The following TOPAZ1 variants were observed in gnomAD, a reference collection of about 807,000 sequenced individuals.
TOPAZ1 encodes protein TOPAZ1.
TOPAZ1 carries 66 observed loss-of-function variants against 172.2 expected under a neutral mutation model. The observed-to-expected ratio is 0.38, with a 90% CI of 0.31 to 0.47. The LOEUF (loss-of-function observed/expected upper bound fraction) is 0.47, where lower values mean the gene tolerates loss of function less well. Ranked by LOEUF, TOPAZ1 falls within the 20% of genes least tolerant of loss-of-function variation. The pLI is 0.99. For synonymous variants in TOPAZ1, 681 were observed against 683.9 expected (o/e 1.00, Z 0.07); for missense variants, 1,822 against 1,972.4 (o/e 0.92, Z 1.44).
chr3:44,315,105 G>GTAGGTGGATGGA lies in TOPAZ1; in HGVS notation c.4306+5116_4306+5117insAGGTGGATGGAT, dbSNP rs1553651879. The stretch of plus-strand genomic sequence containing the variant: ...AAATATTTAGTAAATATTAGTTGAG[G>GTAGGTGGATGGA]TGGATGGATGGATGGATGGATGGAT... On this transcript the variant is annotated intron_variant, in intron 16 of 19. Coordinates refer to ENST00000309765, the MANE Select transcript of TOPAZ1 (RefSeq NM_001145030.2). Among the ~76,000 whole-genome samples, 13 of 150,002 alleles carry GTAGGTGGATGGA rather than the reference G, an allele frequency of 8.7e-5. No homozygotes were observed. In the South Asian group the frequency reaches 2.8e-3, roughly 32 times the overall value.
intron 15 of TOPAZ1, among the ~76,000 whole-genome samples, chr3:44,308,946 T>G (rs1372635648): frequency 6.6e-6 from 1 of 152,234 alleles, no homozygotes; most frequent in Non-Finnish European, 1.5e-5. Context: ...AACAAGGGTC[T>G]GTACACTAAG....
rs934389522 is a variant in TOPAZ1, at chr3:44,256,264, G to C, written c.2941G>C (p.Asp981His). The C allele has an allele frequency of 7.0e-5, 106 of 1,520,682 alleles. No homozygotes were observed. In the East Asian group the frequency reaches 2.7e-3, roughly 38 times the overall value. The allele number at this position is 1,520,682 out of a possible 1,614,324, so 94.2% of individuals were successfully genotyped here. The change falls in exon 4 of 20, where the codon GAC (aspartate) becomes CAC (histidine). Residue 981 changes from aspartate (D) to histidine (H), a missense_variant. Transcript: ENST00000309765. ...CTTCAGTGAACAAATAAAAGGTTCAGACTTGGATGAAAAGGTACTAGGGGA... is the reference window on the plus strand; with the variant it reads ...CTTCAGTGAACAAATAAAAGGTTCACACTTGGATGAAAAGGTACTAGGGGA... ...GDFSEQIKGS[D>H]LDEKHRFTDK...
chr3:44,275,244 C>A (rs1034908304), intron 8 of TOPAZ1, among the ~76,000 whole-genome samples: 3 of 151,968 alleles, frequency 2.0e-5, no homozygotes, highest in Non-Finnish European at 2.9e-5. Context: ...TTGAAATACA[C>A]AATACATTGT....
intron 8 of TOPAZ1, among the ~76,000 whole-genome samples, chr3:44,272,480 G>A (rs555811524): frequency 1.8e-3 from 280 of 152,230 alleles, no homozygotes; most frequent in African/African-American, 6.5e-3. Context: ...TTTATAATTT[G>A]CATTTCTCTG....
intron 18 of TOPAZ1, among the ~76,000 whole-genome samples, chr3:44,325,544 C>T (rs933662476): frequency 6.6e-6 from 1 of 152,176 alleles, no homozygotes; most frequent in Non-Finnish European, 1.5e-5. Context: ...CCACCCTAGT[C>T]CTAGGCAACA....
chr3:44,243,832 G>A lies in TOPAZ1; in HGVS notation c.1326G>A (p.Ser442=), dbSNP rs1169821596. The change falls in exon 2 of 20, where the codon TCG becomes TCA. Residue 442 remains serine (S), a synonymous_variant. Transcript: ENST00000309765. ...CGTTAGGTTATGAAAGCATGGCATC[G>A]AAAGAGGATTTTAAATCGATGAAAA... The part of the protein sequence containing the change: ...SEPLGYESMA[S]KEDFKSMKSF... 32 of 1,551,464 alleles carry A rather than the reference G, an allele frequency of 2.1e-5. No individual in the cohort carries two copies. The highest frequency in any genetic ancestry group is 2.6e-5 in the Non-Finnish European group (30 of 1,146,964).
At chr3:44,256,380 T>C (rs1014275189) in intron 4 of TOPAZ1, 102 bp downstream of exon 4, 1 of 1,073,524 alleles carries the variant, frequency 9.3e-7, no homozygotes, top group African/African-American at 1.7e-5. Flanking sequence ...GTAACTCCCT[T>C]TATTGAATAA....
Position 44,287,804 on chromosome 3 carries a change from A to C in TOPAZ1, c.3646A>C (p.Asn1216His), listed in dbSNP as rs1424237922. The C allele has an allele frequency of 1.3e-6, 2 of 1,501,370 alleles. No individual in the cohort carries two copies. The highest frequency in any genetic ancestry group is 4.3e-5 in the Admixed American group (2 of 46,396). The allele number at this position is 1,501,370 out of a possible 1,614,324, so 93.0% of individuals were successfully genotyped here. A position where few individuals can be genotyped will look rare whatever the true frequency, so the allele number is the denominator to read the frequency against. The change falls in exon 11 of 20, where the codon AAT becomes CAT. Residue 1216 changes from asparagine (N) to histidine (H), a missense_variant. By Grantham distance (68) the Asn-to-His change is moderately conservative. Transcript: ENST00000309765. Reference protein sequence around the residue: ...FEYVATMKLRNAVPALIDIFC... With the variant: ...FEYVATMKLRHAVPALIDIFC... Reference sequence around the variant, plus strand: ...GTATGTGGCAACTATGAAATTAAGGAATGCTGTACCTGCTTTAATTGATAT... The same window carrying C: ...GTATGTGGCAACTATGAAATTAAGGCATGCTGTACCTGCTTTAATTGATAT...
chr3:44,286,949 A>G (rs1255929375), intron 9 of TOPAZ1, among the ~76,000 whole-genome samples: 1 of 152,230 alleles, frequency 6.6e-6, no homozygotes, highest in Non-Finnish European at 1.5e-5. Flanking sequence ...CAAGGCAGGG[A>G]GAAGTTAAAA....
intron 18 of TOPAZ1, among the ~76,000 whole-genome samples, chr3:44,325,216 A>G (rs555588981): frequency 2.2e-4 from 33 of 152,198 alleles, no homozygotes; most frequent in Non-Finnish European, 4.1e-4. Flanking sequence ...TTTCAATGGT[A>G]TATAATCGTG....
chr3:44,325,568 C>G (rs1700590929), intron 18 of TOPAZ1, among the ~76,000 whole-genome samples: 1 of 152,174 alleles, frequency 6.6e-6, no homozygotes, highest in East Asian at 1.9e-4. Flanking sequence ...AATTTATTCT[C>G]TGTCTCCATG....
intron 16 of TOPAZ1, among the ~76,000 whole-genome samples, chr3:44,314,770 A>G (rs1700433030): frequency 6.6e-6 from 1 of 152,120 alleles, no homozygotes; most frequent in Non-Finnish European, 1.5e-5. Flanking sequence ...TAAAACACAT[A>G]TTGCTGGACC....
At position 44,244,222 on chromosome 3, in the gene TOPAZ1, G is replaced by T; in HGVS notation, c.1716G>T (p.Leu572Phe). Residue 572 changes from leucine to phenylalanine, a missense_variant, in exon 2 of 20, where the codon TTG becomes TTT. Transcript: ENST00000309765. The part of the protein sequence containing the change: ...KEKLDSNSNC[L>F]SSVSAVEPTL... The stretch of plus-strand genomic sequence containing the variant: ...AATTAGATTCTAATTCTAATTGTTT[G>T]TCTTCAGTTTCTGCAGTAGAACCTA... 1.3e-6 allele frequency: 2 copies of T among 1,549,488 alleles called. 1 individual carries two copies. The highest frequency in any genetic ancestry group is 4.9e-5 in the East Asian group (2 of 40,904).
In TOPAZ1 at chr3:44,262,488, G is replaced by A. The variant is rs190865627; in HGVS notation, c.3020+5G>A. ...TATTTATGAAGTTTGCAAAAGGTCT[G>A]TAACATAATTCTTAATTACATAACT... On this transcript the variant is annotated splice_donor_5th_base_variant and intron_variant, in intron 5 of 19. Coordinates refer to ENST00000309765, the MANE Select transcript of TOPAZ1 (RefSeq NM_001145030.2). 1 of 1,370,522 alleles carries A rather than the reference G, an allele frequency of 7.3e-7. No individual in the cohort carries two copies. Among genetic ancestry groups the A allele is most frequent in the East Asian group, 2.5e-5 (1 of 39,504 alleles). 84.9% of individuals were successfully genotyped at this position (1,370,522 alleles called of 1,614,324 possible).
chr3:44,328,993 A>C (rs1034831223), intron 19 of TOPAZ1, among the ~76,000 whole-genome samples: 1 of 152,218 alleles, frequency 6.6e-6, no homozygotes, highest in African/African-American at 2.4e-5. Context: ...AAATCGTGGT[A>C]TGCCATACGA....
chr3:44,316,105 G>A (rs1372378713), intron 16 of TOPAZ1, among the ~76,000 whole-genome samples: 2 of 151,764 alleles, frequency 1.3e-5, no homozygotes, highest in Non-Finnish European at 2.9e-5. Flanking sequence ...AATTAGCCAG[G>A]CATGGTAGCA....
intron 3 of TOPAZ1, among the ~76,000 whole-genome samples, 190 bp downstream of exon 3, chr3:44,255,219 TTTGA>T (rs111492753): frequency 0.01 from 1,548 of 152,304 alleles, 23 homozygotes; most frequent in African/African-American, 0.036. Flanking sequence ...ATATTTTCTG[TTTGA>T]TTATTTAATA....
At chr3:44,331,567 T>A (rs1278904762) in intron 19 of TOPAZ1, among the ~76,000 whole-genome samples, 1 of 152,100 alleles carries the variant, frequency 6.6e-6, no homozygotes, top group African/African-American at 2.4e-5. Context: ...CCTCAAGCGA[T>A]CCCCCCAACC....
chr3:44,286,027 G>A (rs1371699026), intron 9 of TOPAZ1, among the ~76,000 whole-genome samples: 3 of 147,210 alleles, frequency 2.0e-5, no homozygotes, highest in Non-Finnish European at 4.5e-5. Context: ...TGGCCCACAT[G>A]GTGAAACGCC....
Sources: gnomAD v4.1 joint callset for allele counts (sites outside exome capture counted in the v4.1 genomes callset) on GRCh38, gnomAD v4.1.1 for gene constraint, MANE v1.5 for transcripts, NCBI Gene and HGNC (gene_info 2026-07-23, HGNC 2026-07-21) for gene names.